FAT3: variants seen among roughly 807,000 people sequenced by gnomAD.
FAT3 encodes the protein FAT atypical cadherin 3.
FAT3 carries 95 observed loss-of-function variants against 310.2 expected under a neutral mutation model. The ratio of observed to expected loss-of-function variants is 0.31; its 90% confidence interval spans 0.26 to 0.36. The LOEUF is 0.36. Ranked by LOEUF, FAT3 falls within the 10% of genes least tolerant of loss-of-function variation. FAT3 has a pLI of 1.00. For missense variants in FAT3, 5,408 were observed against 5,715.6 expected (o/e 0.95, Z 1.74); for synonymous variants, 2,314 against 2,192.9 (o/e 1.06, Z -1.54).
chr11:92,433,600 C>A (rs1950851860), intron 2 of FAT3, among the ~76,000 whole-genome samples: 1 of 152,144 alleles, frequency 6.6e-6, no homozygotes, highest in Non-Finnish European at 1.5e-5. Flanking sequence ...GAGCCAAATA[C>A]CTCAGTTGGA....
At chr11:92,647,595 C>T (rs1017047048) in intron 3 of FAT3, among the ~76,000 whole-genome samples, 2 of 152,142 alleles carry the variant, frequency 1.3e-5, no homozygotes, top group Non-Finnish European at 2.9e-5. Context: ...TAACATTTTT[C>T]AGCCCAATAG....
chr11:92,403,111 G>A lies in FAT3; in HGVS notation c.3292+47707G>A, dbSNP rs10466347. 2.8e-3 allele frequency: 419 copies of A among 152,218 alleles called. 1 individual carries two copies. The highest frequency in any genetic ancestry group is 3.8e-3 in the Non-Finnish European group (258 of 68,026). 9.4% of individuals were successfully genotyped at this position (152,218 alleles called of 1,614,324 possible). A position where few individuals can be genotyped will look rare whatever the true frequency, so the allele number is the denominator to read the frequency against. On this transcript the variant is annotated intron_variant, in intron 2 of 27. Coordinates refer to ENST00000525166, the MANE Select transcript of FAT3 (RefSeq NM_001367949.2). ...AGTACCATGGCCTCAGCTTACATAC[G>A]CAGAGCTTGAGCTCCTCTCCACCAT...
At chr11:92,835,604 C>T (rs918933056) in intron 15 of FAT3, among the ~76,000 whole-genome samples, 15 of 152,036 alleles carry the variant, frequency 9.9e-5, no homozygotes, top group African/African-American at 3.6e-4. Context: ...TTAATTATTC[C>T]ACATTGTATT....
At chr11:92,762,191 G>A (rs2136086863) in intron 5 of FAT3, 21 bp downstream of exon 5, 1 of 1,589,952 alleles carries the variant, frequency 6.3e-7, no homozygotes, top group Non-Finnish European at 8.6e-7. Flanking sequence ...CCAAACTCCA[G>A]CAGCACAGCA....
chr11:92,697,602 G>C (rs749537814), intron 4 of FAT3, among the ~76,000 whole-genome samples, 157 bp downstream of exon 4: 1 of 152,220 alleles, frequency 6.6e-6, no homozygotes, highest in Non-Finnish European at 1.5e-5. Context: ...GGGATTTCTA[G>C]TGTGTTCTTC....
chr11:92,268,310 C>T (rs1040072127), intron 1 of FAT3, among the ~76,000 whole-genome samples: 7 of 152,006 alleles, frequency 4.6e-5, no homozygotes, highest in Non-Finnish European at 1.0e-4. Context: ...ATACCTTTTC[C>T]ACTACCCCAC....
chr11:92,336,862 T>A (rs1948099368), intron 1 of FAT3, among the ~76,000 whole-genome samples: 1 of 152,184 alleles, frequency 6.6e-6, no homozygotes, highest in South Asian at 2.1e-4. Context: ...TGTGAGAGGA[T>A]GGCAAATAAG....
At chr11:92,366,282 G>T (rs547599191) in intron 2 of FAT3, among the ~76,000 whole-genome samples, 1 of 152,136 alleles carries the variant, frequency 6.6e-6, no homozygotes, top group African/African-American at 2.4e-5. Flanking sequence ...GAGAACCTGT[G>T]CCCTAGAAGC....
chr11:92,714,841 T>C (rs1336869258), intron 4 of FAT3, among the ~76,000 whole-genome samples: 1 of 152,126 alleles, frequency 6.6e-6, no homozygotes, highest in Non-Finnish European at 1.5e-5. Flanking sequence ...TTTAGTTGAA[T>C]GAATGAATGA....
chr11:92,666,499 C>A (rs1341323100), intron 3 of FAT3, among the ~76,000 whole-genome samples: 1 of 151,476 alleles, frequency 6.6e-6, no homozygotes, highest in Non-Finnish European at 1.5e-5. Flanking sequence ...CTACAGACAA[C>A]CGCCACCACG....
At chr11:92,232,856 A>G (rs1377776751) in intron 1 of FAT3, among the ~76,000 whole-genome samples, 1 of 152,132 alleles carries the variant, frequency 6.6e-6, no homozygotes, top group African/African-American at 2.4e-5. Context: ...TAATTAGAGT[A>G]ACTTCCTCTT....
Position 92,892,030 on chromosome 11 carries a change from C to G in FAT3, c.*917C>G, listed in dbSNP as rs1169454624. 1 of 152,054 alleles carries G rather than the reference C, an allele frequency of 6.6e-6. No individual in the cohort carries two copies. Among genetic ancestry groups the G allele is most frequent in the African/African-American group, 2.4e-5 (1 of 41,394 alleles). The allele number at this position is 152,054 out of a possible 1,614,324, so 9.4% of individuals were successfully genotyped here. On this transcript the variant is annotated 3_prime_UTR_variant, in exon 28 of 28. Transcript: ENST00000525166. ...AGGGGGGAAAAAAGAAAAAACGATA[C>G]CTTCAAAGTTTGCGGCCTAGATAAT...
chr11:92,616,605 T>C (rs1182962488), intron 3 of FAT3, among the ~76,000 whole-genome samples: 3 of 152,234 alleles, frequency 2.0e-5, no homozygotes, highest in Non-Finnish European at 2.9e-5. Context: ...GTTTTTGCAG[T>C]AGCTGGTACC....
intron 2 of FAT3, among the ~76,000 whole-genome samples, chr11:92,474,577 G>A (rs752027821): frequency 6.6e-6 from 1 of 152,002 alleles, no homozygotes; most frequent in African/African-American, 2.4e-5. Context: ...GTGTCAAAAG[G>A]CCTTAGACAA....
chr11:92,543,722 C>T lies in FAT3; in HGVS notation c.3607+18774C>T, dbSNP rs553905933. ...CATCAGAAGTAAGCTAAATTCAACA[C>T]TCTCCGACCTTTAATGAGTTGATGA... On this transcript the variant is annotated intron_variant, in intron 3 of 27. Transcript: ENST00000525166. Among the ~76,000 whole-genome samples, 6 of 152,322 alleles carry T rather than the reference C, an allele frequency of 3.9e-5. No homozygotes were observed. The South Asian group carries it at 8.3e-4, about 21-fold the overall frequency.
intron 22 of FAT3, 131 bp from the exon 23 acceptor site, chr11:92,880,600 A>G: frequency 9.6e-7 from 1 of 1,041,812 alleles, no homozygotes; most frequent in South Asian, 1.8e-5. Context: ...CAATTTGCTA[A>G]CCACCTTTGG....
At chr11:92,247,410 C>G (rs928106089) in intron 1 of FAT3, among the ~76,000 whole-genome samples, 97 of 151,592 alleles carry the variant, frequency 6.4e-4, no homozygotes, top group African/African-American at 2.3e-3. Flanking sequence ...TGACATGCCT[C>G]TTCTGCAACT....
chr11:92,428,840 A>G (rs1217505783), intron 2 of FAT3, among the ~76,000 whole-genome samples: 1 of 152,170 alleles, frequency 6.6e-6, no homozygotes, highest in African/African-American at 2.4e-5. Flanking sequence ...TGGTGCTGAG[A>G]TGAATGTATT....
At chr11:92,519,652 A>G (rs1477451306) in intron 2 of FAT3, among the ~76,000 whole-genome samples, 3 of 152,148 alleles carry the variant, frequency 2.0e-5, no homozygotes, top group East Asian at 3.9e-4. Flanking sequence ...GAATATATAA[A>G]GAACTCTTGA....
Sources: allele counts gnomAD v4.1 joint callset (sites outside exome capture counted in the v4.1 genomes callset), GRCh38; gene constraint gnomAD v4.1.1; transcripts MANE v1.5; gene names NCBI Gene and HGNC (gene_info 2026-07-23, HGNC 2026-07-21).